The following ZBED6 variants were observed in gnomAD, a reference collection of about 807,000 sequenced individuals.
ZBED6 encodes the protein zinc finger BED-type containing 6.
A neutral mutation model predicts 58.4 loss-of-function variants in ZBED6; 40 were observed. The ratio of observed to expected loss-of-function variants is 0.68; its 90% CI spans 0.53 to 0.89. The LOEUF (loss-of-function observed/expected upper bound fraction) is 0.89, where lower values mean the gene tolerates loss of function less well. Ranked by LOEUF, ZBED6 falls within the 40% of genes least tolerant of loss-of-function variation. ZBED6 has a pLI of 0.00. For synonymous variants in ZBED6, 439 were observed against 350.6 expected, an observed-to-expected ratio of 1.25 and a Z score of -2.82; for missense variants, 1,057 against 1,003.9, an observed-to-expected ratio of 1.05 and a Z score of -0.71.
exon 1 of ZBED6, chr1:203,799,893 T>C: frequency 6.5e-7 from 1 of 1,536,082 alleles, no homozygotes; most frequent in East Asian, 2.4e-5. Context: ...TTTAGAAACT[T>C]ATAAGCAGTT....
intron 1 of ZBED6, among the ~76,000 whole-genome samples, chr1:203,804,439 A>G (rs1671561153): frequency 1.3e-5 from 2 of 151,990 alleles, no homozygotes; most frequent in African/African-American, 2.4e-5. Flanking sequence ...AGCATGAGCC[A>G]CCACGCCCGG....
chr1:203,843,736 T>A (rs1687121831), intron 11 of ZBED6, among the ~76,000 whole-genome samples: 1 of 152,250 alleles, frequency 6.6e-6, no homozygotes, highest in Non-Finnish European at 1.5e-5. Context: ...AATGGCTGAT[T>A]TGGGGCCAGC....
At position 203,829,460 on chromosome 1, in the gene ZBED6, C is replaced by T. The variant is rs759052175; in HGVS notation, c.*3007C>T. The T allele has an allele frequency of 2.4e-5, 39 of 1,613,718 alleles. 1 individual carries two copies. In the South Asian group the frequency reaches 3.8e-4, roughly 16 times the overall value. On this transcript the variant is annotated 3_prime_UTR_variant, in exon 5 of 17. Coordinates refer to ENST00000550078, the Ensembl canonical transcript of ZBED6. ...GATTTTGTGCGTTTAGCTGTGTTGCCCACTGTGCCTGAGTCACCAGAAGAG... is the reference window on the plus strand; with the variant it reads ...GATTTTGTGCGTTTAGCTGTGTTGCTCACTGTGCCTGAGTCACCAGAAGAG...
intron 8 of ZBED6, 34 bp from the exon 9 acceptor site, chr1:203,833,757 T>G (rs749246006): frequency 6.3e-7 from 1 of 1,591,494 alleles, no homozygotes; most frequent in South Asian, 1.1e-5. Context: ...AAAAATTGAC[T>G]AAGGATAGAG....
At chr1:203,830,240 T>C (rs781270807) in intron 7 of ZBED6, 37 bp downstream of exon 7, 1 of 1,507,868 alleles carries the variant, frequency 6.6e-7, no homozygotes, top group East Asian at 2.3e-5. Flanking sequence ...AGTTGTATGT[T>C]GCTAGGGAAG....
intron 10 of ZBED6, among the ~76,000 whole-genome samples, 160 bp from the exon 11 acceptor site, chr1:203,840,146 C>T (rs1336771658): frequency 6.6e-6 from 1 of 150,912 alleles, no homozygotes; most frequent in East Asian, 2.0e-4. Context: ...ACCATGTTGG[C>T]CAGGCTGGCC....
chr1:203,796,695 C>T (rs761400145), exon 1 of ZBED6: 1 of 368,742 alleles, frequency 2.7e-6, no homozygotes, highest in Non-Finnish European at 4.8e-6. Flanking sequence ...ATCTCTATAG[C>T]GTACAACTTG....
intron 1 of ZBED6, among the ~76,000 whole-genome samples, chr1:203,811,812 T>C (rs1674580744): frequency 6.6e-6 from 1 of 151,796 alleles, no homozygotes; most frequent in African/African-American, 2.4e-5. Context: ...TCAGATAGCT[T>C]TGTCTTTTTC....
chr1:203,817,155 T>C, intron 2 of ZBED6, 31 bp downstream of exon 2: 1 of 1,554,650 alleles, frequency 6.4e-7, no homozygotes, highest in Non-Finnish European at 8.7e-7. Context: ...ATCAGTTCTT[T>C]CTACAATTTG....
intron 10 of ZBED6, among the ~76,000 whole-genome samples, chr1:203,838,704 A>G (rs956207657): frequency 6.6e-6 from 1 of 152,178 alleles, no homozygotes; most frequent in African/African-American, 2.4e-5. Context: ...TAATCCCAGT[A>G]CTTTGGGAGG....
exon 1 of ZBED6, chr1:203,799,674 C>G (rs773990129): frequency 1.4e-6 from 1 of 706,810 alleles, no homozygotes; most frequent in South Asian, 1.5e-5. Flanking sequence ...CCTAATCCAT[C>G]ATCTACTCCT....
intron 3 of ZBED6, among the ~76,000 whole-genome samples, chr1:203,825,024 A>T (rs12065846): frequency 6.7e-6 from 1 of 149,276 alleles, no homozygotes; most frequent in East Asian, 2.0e-4. Context: ...TTTCAGTGAG[A>T]CAAGATTGTG....
chr1:203,819,214 T>C (rs1281674681), intron 3 of ZBED6, among the ~76,000 whole-genome samples: 2 of 121,748 alleles, frequency 1.6e-5, no homozygotes, highest in East Asian at 1.9e-4. Context: ...CAATTTTTTT[T>C]TCTTTCTTTT....
In ZBED6 at chr1:203,813,275, C is replaced by G. The variant is rs186171347; in HGVS notation, c.*2555-3651C>G. ...AGGCTGGAGTGCAGTGGTGTGATCT[C>G]AGCTCACTGCAACCTCCGCCTCCCA... On this transcript the variant is annotated intron_variant, in intron 1 of 16. Coordinates refer to ENST00000550078, the Ensembl canonical transcript of ZBED6. Among the ~76,000 whole-genome samples, 15 of 151,810 alleles carry G rather than the reference C, an allele frequency of 9.9e-5. No individual in the cohort carries two copies. In the East Asian group the frequency reaches 2.9e-3, roughly 29 times the overall value.
At position 203,842,128 on chromosome 1, in the gene ZBED6, G is replaced by C. The variant is rs1042450480; in HGVS notation, c.*3741+1754G>C. On this transcript the variant is annotated intron_variant, in intron 11 of 16. Coordinates refer to ENST00000550078, the Ensembl canonical transcript of ZBED6. ...CTCACTTCCCAGACTGGGCGGCTGG[G>C]CGGAAGGGCTCCTCACATCCCAGAC... Among the ~76,000 whole-genome samples, 45 of 151,030 alleles carry C rather than the reference G, an allele frequency of 3.0e-4. 1 individual carries two copies. The highest frequency in any genetic ancestry group is 1.6e-3 in the Admixed American group (24 of 15,156).
At chr1:203,848,782 T>G (rs958781215) in intron 13 of ZBED6, among the ~76,000 whole-genome samples, 1 of 152,208 alleles carries the variant, frequency 6.6e-6, no homozygotes, top group Non-Finnish European at 1.5e-5. Context: ...TTAACTGAGT[T>G]TTTTCTAATG....
intron 1 of ZBED6, among the ~76,000 whole-genome samples, chr1:203,803,296 G>C (rs1671091807): frequency 6.6e-6 from 1 of 151,918 alleles, no homozygotes; most frequent in Non-Finnish European, 1.5e-5. Context: ...GGTTCAAGCA[G>C]TTCTCCTGCC....
intron 3 of ZBED6, among the ~76,000 whole-genome samples, chr1:203,826,664 T>C (rs1471849418): frequency 1.3e-5 from 2 of 152,182 alleles, no homozygotes; most frequent in Non-Finnish European, 2.9e-5. Flanking sequence ...TTTCTCTGTC[T>C]CTCTTCTCCA....
At position 203,827,598 on chromosome 1, in the gene ZBED6, C is replaced by T. The variant is rs184938121; in HGVS notation, c.*2874-701C>T. Among the ~76,000 whole-genome samples, 763 of 151,582 alleles carry T rather than the reference C, an allele frequency of 5.0e-3. 4 individuals are homozygous for T. Among genetic ancestry groups the T allele is most frequent in the African/African-American group, 0.016 (660 of 41,302 alleles). The stretch of plus-strand genomic sequence containing the variant: ...TCTGGAGGCTGAGGCAGGAGAATGG[C>T]GTGAACCCGGGAGGCGGAGCTTGCA... On this transcript the variant is annotated intron_variant, in intron 3 of 16. Coordinates refer to ENST00000550078, the Ensembl canonical transcript of ZBED6.
Sources: allele counts gnomAD v4.1 joint callset (sites outside exome capture counted in the v4.1 genomes callset), GRCh38; gene constraint gnomAD v4.1.1; transcripts MANE v1.5; gene names NCBI Gene and HGNC (gene_info 2026-07-23, HGNC 2026-07-21).